TRPS1: variants seen among roughly 807,000 people sequenced by gnomAD.
The protein encoded by TRPS1 is zinc finger transcription factor Trps1.
A neutral mutation model predicts 101.2 loss-of-function variants in TRPS1; 6 were observed. The observed-to-expected ratio is 0.06, with a 90% CI of 0.03 to 0.12. The LOEUF is 0.12. TRPS1 is among the 10% of genes least tolerant of loss of function. TRPS1 has a pLI of 1.00. For synonymous variants in TRPS1, 578 were observed against 589.8 expected, an observed-to-expected ratio of 0.98 and a Z score of 0.29; for missense variants, 1,363 against 1,567.0, an observed-to-expected ratio of 0.87 and a Z score of 2.20.
chr8:115,569,504 T>A (rs571689661), intron 5 of TRPS1, among the ~76,000 whole-genome samples: 8 of 152,156 alleles, frequency 5.3e-5, no homozygotes, highest in African/African-American at 1.9e-4. Context: ...GAGTTTGTAG[T>A]ACAAACATCA....
intron 5 of TRPS1, among the ~76,000 whole-genome samples, chr8:115,502,713 C>A (rs1447163054): frequency 6.6e-6 from 1 of 152,094 alleles, no homozygotes; most frequent in Non-Finnish European, 1.5e-5. Flanking sequence ...AAATAGCCAG[C>A]CAATTCATCA....
At chr8:115,594,724 A>G (rs1817750750) in intron 4 of TRPS1, among the ~76,000 whole-genome samples, 1 of 151,956 alleles carries the variant, frequency 6.6e-6, no homozygotes. Context: ...CAATAGTAGT[A>G]TTTCATTCAT....
intron 5 of TRPS1, among the ~76,000 whole-genome samples, chr8:115,564,361 AC>A (rs796705876): frequency 1.3e-5 from 2 of 152,210 alleles, no homozygotes; most frequent in South Asian, 4.1e-4. Context: ...CTCTAGCTAT[AC>A]CTGTTTTTGT....
At chr8:115,580,836 G>A (rs1391477920) in intron 5 of TRPS1, among the ~76,000 whole-genome samples, 1 of 152,010 alleles carries the variant, frequency 6.6e-6, no homozygotes, top group Non-Finnish European at 1.5e-5. Flanking sequence ...AGAACAGTAT[G>A]GAGGCTCCTC....
chr8:115,510,771 T>C (rs1272933513), intron 5 of TRPS1, among the ~76,000 whole-genome samples: 4 of 151,966 alleles, frequency 2.6e-5, no homozygotes, highest in Admixed American at 1.3e-4. Flanking sequence ...CAATATTAGA[T>C]GATTCTTCTT....
At chr8:115,644,507 A>T (rs1039013124) in intron 1 of TRPS1, among the ~76,000 whole-genome samples, 3 of 152,202 alleles carry the variant, frequency 2.0e-5, no homozygotes, top group Admixed American at 6.5e-5. Flanking sequence ...GCCCTGAGGG[A>T]ATGTCGTGGC....
At chr8:115,431,239 T>C (rs922835760) in intron 5 of TRPS1, among the ~76,000 whole-genome samples, 5 of 152,054 alleles carry the variant, frequency 3.3e-5, no homozygotes, top group Non-Finnish European at 5.9e-5. Flanking sequence ...CAATAGACAT[T>C]AGATTTTAAA....
intron 5 of TRPS1, among the ~76,000 whole-genome samples, chr8:115,447,645 A>C (rs184210782): frequency 6.6e-5 from 10 of 151,644 alleles, no homozygotes; most frequent in Admixed American, 5.9e-4. Flanking sequence ...CACTTTAGAA[A>C]GAGTTTGATG....
In TRPS1 at chr8:115,604,819, C is replaced by A. The variant is rs749563528; in HGVS notation, c.1150G>T (p.Val384Phe). The A allele has an allele frequency of 3.1e-6, 5 of 1,614,032 alleles. No individual in the cohort carries two copies. The South Asian group carries it at 4.4e-5, about 14-fold the overall frequency. ...KIKASLPSSEVAKPSEKNSNK... is the reference protein window; with the variant it reads ...KIKASLPSSEFAKPSEKNSNK... ...GAGTTTTTCTCTGAAGGTTTTGCAA[C>A]CTCAGAGGAGGGGAGAGAAGCTTTT... The change falls in exon 4 of 7, where the codon GTT becomes TTT. Residue 384 changes from valine (V) to phenylalanine (F), a missense_variant. Val to Phe is a conservative substitution (Grantham distance 50). Around this residue, in one of 5 missense-constraint regions of TRPS1, gnomAD observed 1,020 missense variants for 1,073.0 expected, o/e 0.95. Coordinates refer to ENST00000395715, the MANE Select transcript of TRPS1 (RefSeq NM_014112.5). This position sits in a 1 kb window ranked among gnomAD's most constrained non-coding sequence, Gnocchi z 4.1.
intron 5 of TRPS1, among the ~76,000 whole-genome samples, chr8:115,467,854 A>G (rs1329822401): frequency 1.3e-5 from 2 of 152,164 alleles, no homozygotes; most frequent in Non-Finnish European, 2.9e-5. Context: ...CAGGTTGATC[A>G]TAACCTGAGC....
At chr8:115,523,534 AAAT>A (rs1454527510) in intron 5 of TRPS1, among the ~76,000 whole-genome samples, 1 of 152,162 alleles carries the variant, frequency 6.6e-6, no homozygotes, top group Admixed American at 6.6e-5. Flanking sequence ...TCTGTCTCAA[AAAT>A]AATAATAACT....
Position 115,522,114 on chromosome 8 carries a change from A to G in TRPS1, c.2700+64887T>C, listed in dbSNP as rs1229643253. On this transcript the variant is annotated intron_variant, in intron 5 of 6. Coordinates refer to ENST00000395715, the MANE Select transcript of TRPS1 (RefSeq NM_014112.5). ...AGTCGATTTAATGGATCGTTTTTAGATAACTGGTGAATTTCTACGTAAGAT... is the reference window on the plus strand; with the variant it reads ...AGTCGATTTAATGGATCGTTTTTAGGTAACTGGTGAATTTCTACGTAAGAT... Among the ~76,000 whole-genome samples, 3 of 152,102 alleles carry G rather than the reference A, an allele frequency of 2.0e-5. No homozygotes were observed. In the East Asian group the frequency reaches 5.8e-4, roughly 29 times the overall value.
intron 5 of TRPS1, among the ~76,000 whole-genome samples, chr8:115,494,821 G>A (rs867770766): frequency 8.5e-5 from 13 of 152,136 alleles, no homozygotes; most frequent in Admixed American, 5.2e-4. Flanking sequence ...GGCTCCCAAA[G>A]CTTAATACTG....
At chr8:115,551,076 G>T (rs1266787982) in intron 5 of TRPS1, among the ~76,000 whole-genome samples, 6 of 152,136 alleles carry the variant, frequency 3.9e-5, no homozygotes, top group Non-Finnish European at 7.3e-5. Flanking sequence ...CAGCCAAAGT[G>T]CACAGGATAA....
chr8:115,489,278 A>G (rs1207190383), intron 5 of TRPS1, among the ~76,000 whole-genome samples: 1 of 152,206 alleles, frequency 6.6e-6, no homozygotes, highest in East Asian at 1.9e-4. Flanking sequence ...CACATTGTCC[A>G]GTTACTCCCA....
intron 1 of TRPS1, among the ~76,000 whole-genome samples, chr8:115,648,200 G>A (rs999240097): frequency 2.0e-5 from 3 of 152,140 alleles, no homozygotes; most frequent in Admixed American, 1.3e-4. Flanking sequence ...GGCTGGCCAG[G>A]GGATGCGACG....
chr8:115,595,064 T>A (rs995645512), intron 4 of TRPS1, among the ~76,000 whole-genome samples: 2 of 151,994 alleles, frequency 1.3e-5, no homozygotes, highest in African/African-American at 4.8e-5. Context: ...AGTAAATGAA[T>A]AAATCATAAA....
intron 5 of TRPS1, among the ~76,000 whole-genome samples, chr8:115,502,447 A>G (rs1349290032): frequency 6.6e-6 from 1 of 152,210 alleles, no homozygotes; most frequent in Non-Finnish European, 1.5e-5. Context: ...ACATAGGGTT[A>G]TGAAAAGAGA....
At chr8:115,430,115 A>G (rs1813282988) in intron 5 of TRPS1, among the ~76,000 whole-genome samples, 1 of 152,178 alleles carries the variant, frequency 6.6e-6, no homozygotes, top group African/African-American at 2.4e-5. Context: ...ATGTATCAAA[A>G]CTACTCTTCA....
Sources: gnomAD v4.1 joint callset for allele counts (sites outside exome capture counted in the v4.1 genomes callset) on GRCh38, gnomAD v4.1.1 for gene constraint, gnomAD v4.1.1 regional missense constraint, Gnocchi (gnomAD v3.1) non-coding constraint, MANE v1.5 for transcripts, NCBI Gene and HGNC (gene_info 2026-07-23, HGNC 2026-07-21) for gene names.